The following CREBBP variants were observed in gnomAD, a reference collection of about 807,000 sequenced individuals.
CREBBP encodes the protein CREB binding lysine acetyltransferase, also known as CREB-binding protein.
CREBBP carries 19 observed loss-of-function variants against 265.0 expected under a neutral mutation model. The ratio of observed to expected loss-of-function variants is 0.07; its 90% CI spans 0.05 to 0.11. The LOEUF (loss-of-function observed/expected upper bound fraction) is 0.11. Among genes scored for constraint, CREBBP ranks in the 10% least tolerant of loss-of-function variants. CREBBP has a pLI of 1.00. For missense variants in CREBBP, 2,525 were observed against 3,219.0 expected (o/e 0.78, Z 5.22); for synonymous variants, 1,457 against 1,223.7 (o/e 1.19, Z -3.98).
intron 15 of CREBBP, among the ~76,000 whole-genome samples, chr16:3,768,136 GTTTTTTTTTTTTTTTTTTT>G (rs71133655): frequency 3.5e-4 from 18 of 51,610 alleles, no homozygotes; most frequent in African/African-American, 8.7e-4. Context: ...ATTTAAAAGT[GTTTTTTTTTTTTTTTTTTT>G]TTTTTTTTTT....
chr16:3,866,578 A>G (rs1452455398), intron 1 of CREBBP, among the ~76,000 whole-genome samples: 1 of 152,222 alleles, frequency 6.6e-6, no homozygotes, highest in Non-Finnish European at 1.5e-5. Context: ...TATACCCCCA[A>G]AATGTTTTGT....
intron 1 of CREBBP, among the ~76,000 whole-genome samples, chr16:3,852,838 T>TG (rs1379239908): frequency 6.6e-6 from 1 of 152,074 alleles, no homozygotes. Context: ...CTCTGAAGCG[T>TG]GGTCTACACA....
At chr16:3,807,133 G>A (rs1021728662) in intron 3 of CREBBP, among the ~76,000 whole-genome samples, 2 of 152,174 alleles carry the variant, frequency 1.3e-5, no homozygotes, top group Non-Finnish European at 2.9e-5. Flanking sequence ...GCCGACTCCA[G>A]CACCTGAGCC....
chr16:3,767,524 T>C (rs918605010), intron 16 of CREBBP, 196 bp downstream of exon 16: 22 of 693,798 alleles, frequency 3.2e-5, no homozygotes, highest in Admixed American at 8.6e-5. Context: ...ACTCCTGCCA[T>C]GAGCCCCACA....
At chr16:3,736,432 G>A (rs1441686024) in intron 27 of CREBBP, 4 of 775,958 alleles carry the variant, frequency 5.2e-6, no homozygotes, top group Non-Finnish European at 2.1e-6. Context: ...GCCCACTGAT[G>A]GAAACAGCTC....
chr16:3,749,858 G>A (rs893871688), intron 20 of CREBBP, among the ~76,000 whole-genome samples, 175 bp from the exon 21 acceptor site: 1 of 152,140 alleles, frequency 6.6e-6, no homozygotes, highest in East Asian at 1.9e-4. Context: ...TAATTTCGTA[G>A]AACACTACAA....
intron 2 of CREBBP, among the ~76,000 whole-genome samples, chr16:3,827,849 C>G (rs951710888): frequency 1.3e-5 from 2 of 152,110 alleles, no homozygotes; most frequent in African/African-American, 4.8e-5. Context: ...TGCCACCACA[C>G]CCAGCTAATT....
At chr16:3,776,859 A>T (rs1307323207) in intron 11 of CREBBP, among the ~76,000 whole-genome samples, 1 of 151,658 alleles carries the variant, frequency 6.6e-6, no homozygotes, top group Non-Finnish European at 1.5e-5. Context: ...AAAAAAAAAG[A>T]TACAAAAAAT....
chr16:3,867,396 G>A (rs2055197992), intron 1 of CREBBP, among the ~76,000 whole-genome samples: 1 of 152,300 alleles, frequency 6.6e-6, no homozygotes, highest in African/African-American at 2.4e-5. Context: ...GGAGGCTGAA[G>A]TGGGAGGATG....
At chr16:3,852,790 A>C (rs2054879720) in intron 1 of CREBBP, among the ~76,000 whole-genome samples, 1 of 152,138 alleles carries the variant, frequency 6.6e-6, no homozygotes, top group African/African-American at 2.4e-5. Flanking sequence ...ATGGGAACTA[A>C]AACAACCCTT....
In CREBBP at chr16:3,731,597, C is replaced by T. The variant is rs552981134; in HGVS notation, c.4891-124G>A. On this transcript the variant is annotated intron_variant, in intron 29 of 30. Transcript: ENST00000262367. This position sits in a 1 kb window ranked among gnomAD's most constrained non-coding sequence, Gnocchi z 7.7. ...GTGGCTGAGCCTGATGGCCCTGATG[C>T]CTTGGGATGGAACAAAATTGGTGAC... 7.0e-7 allele frequency: 1 copy of T among 1,427,048 alleles called. No homozygotes were observed. Among genetic ancestry groups the T allele is most frequent in the Admixed American group, 1.8e-5 (1 of 54,166 alleles). 88.4% of individuals were successfully genotyped at this position (1,427,048 alleles called of 1,614,324 possible).
In CREBBP at chr16:3,731,955, G is replaced by A. The variant is rs2051929128; in HGVS notation, c.4729-18C>T. ...TGACTGCCCTGCAACAACACGCAAG[G>A]CTGTGAGACCAGGCAAGTGCCCCTC... On this transcript the variant is annotated intron_variant, in intron 28 of 30. Transcript: ENST00000262367. The surrounding 1 kb of genome is among the most constrained non-coding windows in gnomAD (Gnocchi z 7.7). The A allele has an allele frequency of 6.2e-7, 1 of 1,614,032 alleles. No individual in the cohort carries two copies.
chr16:3,849,454 T>TGTGTGTGTGTGTG (rs2054773336), intron 2 of CREBBP, among the ~76,000 whole-genome samples: 2 of 90,324 alleles, frequency 2.2e-5, no homozygotes, highest in Non-Finnish European at 5.3e-5. Flanking sequence ...TGTGTGTGTG[T>TGTGTGTGTGTGTG]GTGTGTGTGT....
At position 3,728,192 on chromosome 16, in the gene CREBBP, G is replaced by C. The variant is rs2051798266; in HGVS notation, c.6855C>G (p.Pro2285=). ...GCTGCTGCAGGGCTTGCTGGATGTT[G>C]GGGGTGCTGTCTGCCCCCAGCCCCG... ...GQPGLGADST[P]NIQQALQQRI... is the part of the protein sequence containing the mutation. The change falls in exon 31 of 31, where the codon CCC becomes CCG. Residue 2285 remains proline, a synonymous_variant. Transcript: ENST00000262367. The surrounding 1 kb of genome is among the most constrained non-coding windows in gnomAD (Gnocchi z 8.7). The C allele has an allele frequency of 6.2e-7, 1 of 1,613,934 alleles. No individual in the cohort carries two copies. The highest frequency in any genetic ancestry group is 2.2e-5 in the East Asian group (1 of 44,886).
intron 1 of CREBBP, among the ~76,000 whole-genome samples, chr16:3,873,330 C>T (rs939394927): frequency 5.3e-5 from 8 of 152,220 alleles, no homozygotes; most frequent in South Asian, 2.1e-4. Flanking sequence ...ATGGCCATCA[C>T]GTTCCTATTT....
chr16:3,844,351 T>G (rs1004553855), intron 2 of CREBBP, among the ~76,000 whole-genome samples: 8 of 152,084 alleles, frequency 5.3e-5, no homozygotes, highest in African/African-American at 1.9e-4. Flanking sequence ...GATGGTTCAA[T>G]TTGATATTAT....
At position 3,731,688 on chromosome 16, in the gene CREBBP, A is replaced by T. The variant is rs2051920539; in HGVS notation, c.4890+88T>A. 6.3e-7 allele frequency: 1 copy of T among 1,576,834 alleles called. No individual in the cohort carries two copies. ...GGGGGCCACTTCCCTCCCACCACAG[A>T]CCTGCACACGGGCCCACGCCCGCCA... On this transcript the variant is annotated intron_variant, in intron 29 of 30. Transcript: ENST00000262367. The surrounding 1 kb of genome is among the most constrained non-coding windows in gnomAD (Gnocchi z 7.7).
chr16:3,839,737 A>C, intron 2 of CREBBP, among the ~76,000 whole-genome samples: 1 of 115,418 alleles, frequency 8.7e-6, no homozygotes, highest in Non-Finnish European at 1.8e-5. Context: ...AGGGGGAGGG[A>C]AGGGAGGGAA....
intron 3 of CREBBP, among the ~76,000 whole-genome samples, chr16:3,805,610 C>G (rs2053813196): frequency 6.6e-6 from 1 of 152,084 alleles, no homozygotes; most frequent in Non-Finnish European, 1.5e-5. Flanking sequence ...AGTCTTGCTC[C>G]CTCAATGATC....
Sources: gnomAD v4.1 joint callset for allele counts (sites outside exome capture counted in the v4.1 genomes callset) on GRCh38, gnomAD v4.1.1 for gene constraint, Gnocchi (gnomAD v3.1) non-coding constraint, MANE v1.5 for transcripts, NCBI Gene and HGNC (gene_info 2026-07-23, HGNC 2026-07-21) for gene names.